The following GPA33 variants were observed in gnomAD, a reference collection of about 807,000 sequenced individuals.
GPA33 encodes cell surface A33 antigen.
In GPA33, 27 loss-of-function variants were observed where a neutral mutation model predicts 35.6. That is an observed-to-expected ratio of 0.76 (90% CI 0.56 to 1.04). GPA33 has a LOEUF of 1.04. Among genes scored for constraint, GPA33 ranks in the 50% least tolerant of loss-of-function variants. The probability of loss-of-function intolerance (pLI) is 0.00; values close to 1 mark genes in which losing one functional copy is unlikely to be tolerated. For synonymous variants in GPA33, 176 were observed against 164.0 expected (o/e 1.07, Z -0.56); for missense variants, 428 against 411.9 (o/e 1.04, Z -0.34).
chr1:167,087,141 G>A (rs1236862929), intron 1 of GPA33, among the ~76,000 whole-genome samples: 4 of 152,142 alleles, frequency 2.6e-5, no homozygotes, highest in Non-Finnish European at 4.4e-5. Flanking sequence ...AGCGCATGGC[G>A]GCTTTTTTGG....
At position 167,073,372 on chromosome 1, in the gene GPA33, A is replaced by G. The variant is rs1169903596; in HGVS notation, c.198+13T>C. On this transcript the variant is annotated intron_variant, in intron 2 of 6. Coordinates refer to ENST00000367868, the MANE Select transcript of GPA33 (RefSeq NM_005814.3). ...TCATTCCCATGTTGCCTGAACTTGT[A>G]AAGTATCCTTACCGTATGAGTGAGG... 1 of 1,611,290 alleles carries G rather than the reference A, an allele frequency of 6.2e-7. No homozygotes were observed. The highest frequency in any genetic ancestry group is 1.3e-5 in the African/African-American group (1 of 74,866).
In GPA33 at chr1:167,058,999, A is replaced by G. The variant is rs541307643; in HGVS notation, c.572-3150T>C. On this transcript the variant is annotated intron_variant, in intron 4 of 6. Coordinates refer to ENST00000367868, the MANE Select transcript of GPA33 (RefSeq NM_005814.3). The stretch of plus-strand genomic sequence containing the variant: ...GCTCATAACAGATCCCCACCACTTA[A>G]GAGTGTGAAGCTCGGACTCTGGATT... Among the ~76,000 whole-genome samples the G allele has an allele frequency of 7.2e-5, 11 of 152,330 alleles. 1 individual carries two copies. The East Asian group carries it at 1.7e-3, about 24-fold the overall frequency.
At position 167,055,713 on chromosome 1, in the gene GPA33, C is replaced by CA. The variant is rs1558001092; in HGVS notation, c.691+16_691+17insT. ...CCTGTGGCGTTTGTCAGCCCTCCCC[C>CA]CGCAGGCTGCTCTTACGAGATCTGA... On this transcript the variant is annotated intron_variant, in intron 5 of 6. Transcript: ENST00000367868. 1.2e-6 allele frequency: 2 copies of CA among 1,613,436 alleles called. No individual in the cohort carries two copies. Among genetic ancestry groups the CA allele is most frequent in the Admixed American group, 1.7e-5 (1 of 60,026 alleles).
At chr1:167,067,038 A>T (rs996118508) in intron 3 of GPA33, among the ~76,000 whole-genome samples, 8 of 152,200 alleles carry the variant, frequency 5.3e-5, no homozygotes, top group African/African-American at 1.9e-4. Context: ...GAATGTTTAT[A>T]TATGTTTTTA....
chr1:167,083,040 CG>C (rs1440160669), intron 1 of GPA33, among the ~76,000 whole-genome samples: 2 of 152,222 alleles, frequency 1.3e-5, no homozygotes, highest in South Asian at 2.1e-4. Context: ...GCTGCCAACC[CG>C]GGGTGGCTTG....
rs150819222 is a variant in GPA33, at chr1:167,080,384, C to G, written c.44-6845G>C. On this transcript the variant is annotated intron_variant, in intron 1 of 6. Coordinates refer to ENST00000367868, the MANE Select transcript of GPA33 (RefSeq NM_005814.3). ...ACAATCTCTTGCATGATAGCACATG[C>G]ATTGTCCTAAAGAAGATGCCCCAAC... 9.2e-5 allele frequency among the ~76,000 whole-genome samples: 14 copies of G among 152,326 alleles called. No homozygotes were observed. In the East Asian group the frequency reaches 2.7e-3, roughly 29 times the overall value.
At position 167,084,018 on chromosome 1, in the gene GPA33, C is replaced by G. The variant is rs147810777; in HGVS notation, c.43+6227G>C. ...CAGATTGCCTGCCCCCACCAAGATC[C>G]TCTTACAAGCAACTCAAATCACACC... is the stretch of plus-strand genomic sequence containing the variant. On this transcript the variant is annotated intron_variant, in intron 1 of 6. Transcript: ENST00000367868. 4.5e-3 allele frequency among the ~76,000 whole-genome samples: 684 copies of G among 152,280 alleles called. 2 individuals carry two copies. Among genetic ancestry groups the G allele is most frequent in the Non-Finnish European group, 6.4e-3 (436 of 68,022 alleles).
chr1:167,069,288 A>G (rs1666669333), intron 2 of GPA33, 150 bp from the exon 3 acceptor site: 1 of 553,078 alleles, frequency 1.8e-6, no homozygotes, highest in Admixed American at 3.4e-5. Flanking sequence ...CATATGTGCT[A>G]CCCATTTGTG....
chr1:167,082,870 G>A (rs1229681092), intron 1 of GPA33, among the ~76,000 whole-genome samples: 1 of 152,182 alleles, frequency 6.6e-6, no homozygotes, highest in Non-Finnish European at 1.5e-5. Flanking sequence ...GCAGTCCAAA[G>A]GTCACTGGGT....
chr1:167,090,297 T>C lies in GPA33; in HGVS notation c.-10A>G. On this transcript the variant is annotated 5_prime_UTR_variant, in exon 1 of 7. Coordinates refer to ENST00000367868, the MANE Select transcript of GPA33 (RefSeq NM_005814.3). ...ACATCTTCCCCACCATGGTCTTGCT[T>C]CTTCTCTGCCCTAAACCTAACCTGT... is the stretch of plus-strand genomic sequence containing the variant. 6.2e-7 allele frequency: 1 copy of C among 1,612,896 alleles called. No homozygotes were observed. Among genetic ancestry groups the C allele is most frequent in the Non-Finnish European group, 8.5e-7 (1 of 1,178,920 alleles).
chr1:167,060,224 C>T (rs557235876), intron 4 of GPA33, among the ~76,000 whole-genome samples: 1 of 152,280 alleles, frequency 6.6e-6, no homozygotes, highest in East Asian at 1.9e-4. Flanking sequence ...AGGCACACAC[C>T]ACCATGCCAG....
At chr1:167,090,033 A>G (rs1667123907) in intron 1 of GPA33, among the ~76,000 whole-genome samples, 1 of 152,166 alleles carries the variant, frequency 6.6e-6, no homozygotes, top group African/African-American at 2.4e-5. Context: ...TCTTCATTTC[A>G]GCAGTGGGCT....
intron 1 of GPA33, among the ~76,000 whole-genome samples, chr1:167,080,267 G>C (rs1305180563): frequency 6.6e-6 from 1 of 152,174 alleles, no homozygotes; most frequent in East Asian, 1.9e-4. Flanking sequence ...TTACTGTAAG[G>C]TGTTACTAAC....
chr1:167,063,131 T>C (rs1189473037), intron 4 of GPA33, among the ~76,000 whole-genome samples: 1 of 152,202 alleles, frequency 6.6e-6, no homozygotes, highest in Non-Finnish European at 1.5e-5. Context: ...GGTATTATTA[T>C]AAGAAACCAG....
intron 1 of GPA33, among the ~76,000 whole-genome samples, chr1:167,087,320 GTTA>G (rs746663600): frequency 6.6e-6 from 1 of 152,188 alleles, no homozygotes; most frequent in Non-Finnish European, 1.5e-5. Flanking sequence ...TTATTGAGTT[GTTA>G]TTATGTGTCA....
chr1:167,087,902 ACT>A (rs1284525414), intron 1 of GPA33, among the ~76,000 whole-genome samples: 1 of 148,786 alleles, frequency 6.7e-6, no homozygotes. Context: ...AGCAAGCCAG[ACT>A]CTGTCTCACA....
At position 167,054,430 on chromosome 1, in the gene GPA33, T is replaced by C; in HGVS notation, c.864A>G (p.Leu288=). 8 of 1,614,060 alleles carry C rather than the reference T, an allele frequency of 5.0e-6. No homozygotes were observed. Among genetic ancestry groups the C allele is most frequent in the Non-Finnish European group, 6.8e-6 (8 of 1,179,992 alleles). ...REAYEEPPEQ[L]RELSREREEE... Reference sequence around the variant, plus strand: ...CCTCCCTCTCTCTGGAAAGTTCTCTTAGCTGCTCTGGTGGCTCCTCATAGG... The same window carrying C: ...CCTCCCTCTCTCTGGAAAGTTCTCTCAGCTGCTCTGGTGGCTCCTCATAGG... The change falls in exon 7 of 7, where the codon CTA becomes CTG. Residue 288 remains leucine (L), a synonymous_variant. Transcript: ENST00000367868.
intron 4 of GPA33, among the ~76,000 whole-genome samples, chr1:167,060,375 A>T (rs1005126823): frequency 6.6e-6 from 1 of 152,210 alleles, no homozygotes; most frequent in Non-Finnish European, 1.5e-5. Flanking sequence ...GCACCTGGCC[A>T]GAATTGGCAG....
intron 1 of GPA33, among the ~76,000 whole-genome samples, chr1:167,086,431 CAT>C (rs1667050603): frequency 1.3e-5 from 2 of 152,218 alleles, no homozygotes; most frequent in Admixed American, 1.3e-4. Context: ...CCCTAAACCA[CAT>C]ATCTTAGGCT....
Sources: allele counts gnomAD v4.1 joint callset (sites outside exome capture counted in the v4.1 genomes callset), GRCh38; gene constraint gnomAD v4.1.1; transcripts MANE v1.5; gene names NCBI Gene and HGNC (gene_info 2026-07-23, HGNC 2026-07-21).